Variants in LPP observed in about 807,000 individuals in gnomAD.
The protein encoded by LPP is LIM domain containing preferred translocation partner in lipoma.
A neutral mutation model predicts 60.4 loss-of-function variants in LPP; 38 were observed. That is an observed-to-expected ratio of 0.63 (90% CI 0.49 to 0.83). The LOEUF is 0.83. Among genes scored for constraint, LPP ranks in the 40% least tolerant of loss-of-function variants. The pLI, the probability that LPP is intolerant of heterozygous loss-of-function variation, is 0.00. For missense variants in LPP, 902 were observed against 783.6 expected, an observed-to-expected ratio of 1.15 and a Z score of -1.80; for synonymous variants, 328 against 290.8, an observed-to-expected ratio of 1.13 and a Z score of -1.30.
intron 7 of LPP, among the ~76,000 whole-genome samples, chr3:188,693,673 A>C (rs1862590139): frequency 6.6e-6 from 1 of 152,322 alleles, no homozygotes; most frequent in African/African-American, 2.4e-5. Flanking sequence ...TGTGGGCCAC[A>C]TCTGTTCATG....
At chr3:188,690,548 T>C (rs1421299900) in intron 7 of LPP, among the ~76,000 whole-genome samples, 2 of 152,190 alleles carry the variant, frequency 1.3e-5, no homozygotes, top group Non-Finnish European at 2.9e-5. Context: ...GTGCCCTAAT[T>C]TTCGTGTTCC....
At chr3:188,675,291 G>A (rs7634539) in intron 7 of LPP, among the ~76,000 whole-genome samples, 64,328 of 151,996 alleles carry the variant, frequency 0.42, 14,045 homozygotes, top group East Asian at 0.77. Flanking sequence ...GAAGTGGGTT[G>A]CGGCAAGCCC....
intron 7 of LPP, among the ~76,000 whole-genome samples, chr3:188,689,599 T>C (rs1236928516): frequency 6.6e-6 from 1 of 152,228 alleles, no homozygotes; most frequent in Non-Finnish European, 1.5e-5. Context: ...CTCAACATAA[T>C]GTCCTCCAGG....
chr3:188,193,613 G>A (rs1415541762), intron 1 of LPP, among the ~76,000 whole-genome samples: 3 of 152,234 alleles, frequency 2.0e-5, no homozygotes, highest in Non-Finnish European at 4.4e-5. Flanking sequence ...CCTCTGTTGT[G>A]TGTGGTCAGG....
At chr3:188,658,740 G>A (rs115771712) in intron 7 of LPP, among the ~76,000 whole-genome samples, 14 of 152,250 alleles carry the variant, frequency 9.2e-5, no homozygotes, top group African/African-American at 3.4e-4. Flanking sequence ...CTCCAAAATT[G>A]AGAAAAGGGA....
intron 3 of LPP, among the ~76,000 whole-genome samples, chr3:188,344,035 C>T (rs1324926653): frequency 6.6e-6 from 1 of 152,304 alleles, no homozygotes; most frequent in Admixed American, 6.5e-5. Flanking sequence ...CTGCACTCCA[C>T]GGAATCTGCA....
In LPP at chr3:188,354,562, A is replaced by G. The variant is rs114183139; in HGVS notation, c.-10+12843A>G. On this transcript the variant is annotated intron_variant, in intron 3 of 11. Coordinates refer to ENST00000617246, the MANE Select transcript of LPP (RefSeq NM_001375462.1). ...TTGGGTTTTTAGTGGGGAGGAATGGATGTTTTTTTTCTTTTACAGTTTTAG... is the reference window on the plus strand; with the variant it reads ...TTGGGTTTTTAGTGGGGAGGAATGGGTGTTTTTTTTCTTTTACAGTTTTAG... Among the ~76,000 whole-genome samples, 265 of 152,268 alleles carry G rather than the reference A, an allele frequency of 1.7e-3. 2 individuals are homozygous for G. Among genetic ancestry groups the G allele is most frequent in the African/African-American group, 6.2e-3 (256 of 41,562 alleles).
rs558496472 is a variant in LPP, at chr3:188,273,277, A to G, written c.-67+47750A>G. On this transcript the variant is annotated intron_variant, in intron 2 of 11. Transcript: ENST00000617246. The stretch of plus-strand genomic sequence containing the variant: ...TCAGTCAGTTTACTTTCACAACTGA[A>G]TTATCAACTAGGGCACCACGATGGA... 4.6e-5 allele frequency among the ~76,000 whole-genome samples: 7 copies of G among 152,334 alleles called. No individual in the cohort carries two copies. In the South Asian group the frequency reaches 1.0e-3, roughly 23 times the overall value.
chr3:188,452,891 C>T lies in LPP; in HGVS notation c.194-31701C>T, dbSNP rs140192174. Among the ~76,000 whole-genome samples the T allele has an allele frequency of 4.2e-3, 634 of 152,164 alleles. 3 individuals are homozygous for T. The highest frequency in any genetic ancestry group is 0.014 in the African/African-American group (589 of 41,534). ...CTTTAAATCTTTTATATCTCTTTCTCGTACTATTTTGCCCCTGATGCTGTT... is the reference window on the plus strand; with the variant it reads ...CTTTAAATCTTTTATATCTCTTTCTTGTACTATTTTGCCCCTGATGCTGTT... On this transcript the variant is annotated intron_variant, in intron 4 of 11. Coordinates refer to ENST00000617246, the MANE Select transcript of LPP (RefSeq NM_001375462.1).
intron 7 of LPP, among the ~76,000 whole-genome samples, chr3:188,706,761 C>T (rs1459406491): frequency 1.3e-5 from 2 of 152,196 alleles, no homozygotes; most frequent in Admixed American, 1.3e-4. Flanking sequence ...GTTGAACTTA[C>T]TCTTGTAAAC....
chr3:188,866,213 A>G lies in LPP; in HGVS notation c.1424A>G (p.Gln475Arg), dbSNP rs754422993. Residue 475 changes from glutamine to arginine, a missense_variant, in exon 10 of 12, where the codon CAG becomes CGG. Physicochemically the swap from Gln to Arg is conservative, Grantham distance 43. Transcript: ENST00000617246. ...TTCCTTCCCCAGAATACTCTGGAGC[A>G]GTGCAATGTGTGTTCCAAGCCCATC... The part of the protein sequence containing the change: ...CEPCYINTLE[Q>R]CNVCSKPIME... The G allele has an allele frequency of 4.6e-6, 7 of 1,520,248 alleles. No homozygotes were observed. The highest frequency in any genetic ancestry group is 6.2e-6 in the Non-Finnish European group (7 of 1,128,774). 94.2% of individuals were successfully genotyped at this position (1,520,248 alleles called of 1,614,324 possible).
chr3:188,708,258 G>A lies in LPP; in HGVS notation c.1114-9G>A, dbSNP rs377501553. ...GCAATTAAAGGACTGTGTGCTTTCT[G>A]CCTTTCAGGGTGGCCATTCAGGGCA... On this transcript the variant is annotated splice_polypyrimidine_tract_variant and intron_variant, in intron 7 of 11. Coordinates refer to ENST00000617246, the MANE Select transcript of LPP (RefSeq NM_001375462.1). 39 of 1,613,800 alleles carry A rather than the reference G, an allele frequency of 2.4e-5. No homozygotes were observed. The African/African-American group carries it at 3.5e-4, about 14-fold the overall frequency.
chr3:188,598,326 G>A (rs955194736), intron 6 of LPP, among the ~76,000 whole-genome samples: 4 of 152,110 alleles, frequency 2.6e-5, no homozygotes, highest in African/African-American at 4.8e-5. Context: ...AATAGAGTAC[G>A]TACTAGAGGA....
intron 2 of LPP, among the ~76,000 whole-genome samples, chr3:188,253,255 A>T (rs1228875128): frequency 6.6e-6 from 1 of 152,092 alleles, no homozygotes; most frequent in African/African-American, 2.4e-5. Flanking sequence ...AAATTTTTAT[A>T]CTTATAGAGA....
chr3:188,826,623 G>C (rs9867093), intron 9 of LPP, among the ~76,000 whole-genome samples: 41,452 of 151,784 alleles, frequency 0.27, 6,568 homozygotes, highest in African/African-American at 0.43. Context: ...CTTTGCTCAC[G>C]TTATTTTCTC....
intron 2 of LPP, among the ~76,000 whole-genome samples, chr3:188,275,352 C>CTTTA (rs905008286): frequency 1.3e-4 from 20 of 152,094 alleles, no homozygotes; most frequent in Non-Finnish European, 1.5e-4. Context: ...GTGTTACCCA[C>CTTTA]TTTATTTATT....
At chr3:188,305,530 TTTACTGGGTC>T (rs1227043962) in intron 2 of LPP, among the ~76,000 whole-genome samples, 3 of 152,112 alleles carry the variant, frequency 2.0e-5, no homozygotes, top group Non-Finnish European at 4.4e-5. Context: ...TGAGATGAGT[TTTACTGGGTC>T]TTGGTCTTCT....
intron 8 of LPP, among the ~76,000 whole-genome samples, chr3:188,757,223 ACATCGTG>A (rs1730566461): frequency 1.3e-5 from 1 of 79,126 alleles, no homozygotes; most frequent in African/African-American, 3.9e-5. Flanking sequence ...AGAGGCACTG[ACATCGTG>A]ACATCGTCGA....
At chr3:188,758,557 C>T (rs1037727327) in intron 8 of LPP, among the ~76,000 whole-genome samples, 2 of 152,200 alleles carry the variant, frequency 1.3e-5, no homozygotes, top group Admixed American at 6.5e-5. Context: ...TAAAGAAATA[C>T]TTTTCAGGGC....
Sources: gnomAD v4.1 joint callset for allele counts (sites outside exome capture counted in the v4.1 genomes callset) on GRCh38, gnomAD v4.1.1 for gene constraint, MANE v1.5 for transcripts, NCBI Gene and HGNC (gene_info 2026-07-23, HGNC 2026-07-21) for gene names.